Variants in SLC9A6 observed in about 807,000 individuals in gnomAD.
The protein encoded by SLC9A6 is solute carrier family 9 member A6.
A neutral mutation model predicts 45.3 loss-of-function variants in SLC9A6; 6 were observed. The ratio of observed to expected loss-of-function variants is 0.13; its 90% confidence interval spans 0.07 to 0.26. The LOEUF (loss-of-function observed/expected upper bound fraction) is 0.26. Among genes scored for constraint, SLC9A6 ranks in the 10% least tolerant of loss-of-function variants. The probability of loss-of-function intolerance (pLI) is 1.00; values close to 1 mark genes in which losing one functional copy is unlikely to be tolerated. For missense variants in SLC9A6, 278 were observed against 503.7 expected, an observed-to-expected ratio of 0.55 and a Z score of 4.29; for synonymous variants, 191 against 187.7, an observed-to-expected ratio of 1.02 and a Z score of -0.14.
chrX:135,988,504 T>TTCTTTCTTTCTCTCTCTTTCTTTCTCTC (rs1358127758), intron 2 of SLC9A6, among the ~76,000 whole-genome samples: 1 of 108,139 alleles, frequency 9.2e-6, no homozygotes, highest in Non-Finnish European at 1.9e-5. Context: ...TTTCTTTTCT[T>TTCTTTCTTTCTCTCTCTTTCTTTCTCTC]TCTTTCTTTC....
intron 1 of SLC9A6, among the ~76,000 whole-genome samples, chrX:135,976,832 C>A (rs1556613395): frequency 2.7e-5 from 3 of 111,737 alleles, no homozygotes. Flanking sequence ...GTTTTGTTTT[C>A]TCTATTGCCC....
intron 6 of SLC9A6, 128 bp downstream of exon 6, chrX:135,999,096 ATTGTGGAGG>A: frequency 4.0e-6 from 2 of 498,620 alleles, no homozygotes; most frequent in Admixed American, 3.0e-5. Context: ...ATACTTTCTA[ATTGTGGAGG>A]AAAAAACAAA....
chrX:136,029,865 A>G (rs782159318), intron 14 of SLC9A6: 211 of 378,618 alleles, frequency 5.6e-4, no homozygotes, highest in African/African-American at 5.2e-3. Context: ...ATATTCAGAG[A>G]AAAAAAATGC....
At chrX:136,043,377 C>T (rs1171302514) in intron 17 of SLC9A6, among the ~76,000 whole-genome samples, 2 of 112,027 alleles carry the variant, frequency 1.8e-5, no homozygotes, top group African/African-American at 3.2e-5. Context: ...TTTCAGTTCA[C>T]ACTTTTTTTG....
chrX:136,027,527 A>G (rs1033492411), intron 13 of SLC9A6, among the ~76,000 whole-genome samples: 3 of 112,095 alleles, frequency 2.7e-5, no homozygotes, highest in Non-Finnish European at 3.8e-5. Flanking sequence ...GGTTCTGCAC[A>G]CTTAACTGTC....
intron 13 of SLC9A6, among the ~76,000 whole-genome samples, chrX:136,027,446 C>T (rs2071248201): frequency 1.8e-5 from 2 of 111,637 alleles, no homozygotes; most frequent in Non-Finnish European, 3.8e-5. Flanking sequence ...AGGAAAAAAA[C>T]TCTCATGGCC....
At chrX:136,030,354 A>G (rs2071298701) in intron 15 of SLC9A6, 192 bp downstream of exon 15, 1 of 463,914 alleles carries the variant, frequency 2.2e-6, no homozygotes, top group East Asian at 3.8e-5. Flanking sequence ...ACAGTGCCAT[A>G]GTGTGTGGTT....
chrX:135,979,096 C>T (rs1272700994), intron 1 of SLC9A6, among the ~76,000 whole-genome samples: 5 of 111,317 alleles, frequency 4.5e-5, no homozygotes, highest in Non-Finnish European at 9.4e-5. Flanking sequence ...TCGGCTGCAG[C>T]ACCCAATTAA....
intron 12 of SLC9A6, among the ~76,000 whole-genome samples, chrX:136,024,032 A>C (rs144085373): frequency 9.0e-6 from 1 of 110,567 alleles, no homozygotes; most frequent in South Asian, 3.9e-4. Context: ...GATTACAGGC[A>C]TGCGCCATCA....
chrX:135,974,424 C>G (rs868986586), upstream of SLC9A6, among the ~76,000 whole-genome samples: 1 of 42,205 alleles, frequency 2.4e-5, no homozygotes, highest in Non-Finnish European at 4.0e-5. Flanking sequence ...GACCGAGGGG[C>G]GGGGAGGAGG....
chrX:136,010,219 G>A lies in SLC9A6; in HGVS notation c.744-223G>A, dbSNP rs782605923. The stretch of plus-strand genomic sequence containing the variant: ...ATTTTCATATAGAGGATTTTACAAT[G>A]TTCTACCCCCCCCCCGAAATTAACA... On this transcript the variant is annotated intron_variant, in intron 7 of 17. Transcript: ENST00000630721. 1.1e-5 allele frequency: 4 copies of A among 362,145 alleles called. No individual in the cohort carries two copies. In the South Asian group the frequency reaches 1.4e-4, roughly 13 times the overall value. The allele number at this position is 362,145 out of a possible 1,213,427, so 29.8% of individuals were successfully genotyped here. A position where few individuals can be genotyped will look rare whatever the true frequency, so the allele number is the denominator to read the frequency against.
In SLC9A6 at chrX:135,985,835, C is replaced by T; in HGVS notation, c.169+8C>T. Reference sequence around the variant, plus strand: ...GCCTGGCTATGATTTATGGCAAGTTCCTCAACCCTTGTCAGCCCCTTGGCG... The same window carrying T: ...GCCTGGCTATGATTTATGGCAAGTTTCTCAACCCTTGTCAGCCCCTTGGCG... On this transcript the variant is annotated splice_region_variant and intron_variant, in intron 2 of 17. Transcript: ENST00000630721. 8.3e-7 allele frequency: 1 copy of T among 1,210,614 alleles called. No individual in the cohort carries two copies. The highest frequency in any genetic ancestry group is 1.1e-6 in the Non-Finnish European group (1 of 895,356).
intron 12 of SLC9A6, among the ~76,000 whole-genome samples, chrX:136,023,163 G>GTATATATA (rs35106450): frequency 8.0e-5 from 2 of 25,014 alleles, no homozygotes; most frequent in Non-Finnish European, 1.3e-4. Flanking sequence ...AAAAGAAAAT[G>GTATATATA]TATATATATA....
In SLC9A6 at chrX:136,044,610, G is replaced by A. The variant is rs2071567568; in HGVS notation, c.1926G>A (p.Glu642=). Residue 642 remains glutamate, a synonymous_variant, in exon 18 of 18, where the codon GAG becomes GAA. Transcript: ENST00000630721. ...GNSSEDALDR[E]LAFGDHELVI... The stretch of plus-strand genomic sequence containing the variant: ...GTTCTGAAGATGCCTTGGATCGGGA[G>A]CTTGCATTTGGGGACCATGAACTGG... The A allele has an allele frequency of 8.3e-7, 1 of 1,209,145 alleles. No individual in the cohort carries two copies. Among genetic ancestry groups the A allele is most frequent in the African/African-American group, 1.8e-5 (1 of 56,978 alleles).
At chrX:136,011,865 C>T (rs1569524837) in intron 8 of SLC9A6, among the ~76,000 whole-genome samples, 1 of 110,706 alleles carries the variant, frequency 9.0e-6, no homozygotes, top group Non-Finnish European at 1.9e-5. Flanking sequence ...CCATGGCGGG[C>T]GGATCACAAG....
intron 2 of SLC9A6, among the ~76,000 whole-genome samples, chrX:135,990,787 T>TA (rs1296378240): frequency 2.7e-5 from 3 of 110,175 alleles, no homozygotes; most frequent in Admixed American, 1.9e-4. Flanking sequence ...AATAAATAAA[T>TA]AAATAAAATA....
At chrX:136,011,951 A>G (rs1007517659) in intron 8 of SLC9A6, among the ~76,000 whole-genome samples, 2 of 111,529 alleles carry the variant, frequency 1.8e-5, no homozygotes, top group South Asian at 3.8e-4. Flanking sequence ...TTAGCCGGGC[A>G]TGGTGGTGGG....
chrX:136,013,141 G>T lies in SLC9A6; in HGVS notation c.991+87G>T, dbSNP rs2070955272. Reference sequence around the variant, plus strand: ...TGCTCCAAGTGGATCAGCTCCGTTAGTATTTGAACATACTTATTGTGGTTG... The same window carrying T: ...TGCTCCAAGTGGATCAGCTCCGTTATTATTTGAACATACTTATTGTGGTTG... On this transcript the variant is annotated intron_variant, in intron 9 of 17. Transcript: ENST00000630721. 5.4e-6 allele frequency: 4 copies of T among 741,438 alleles called. No homozygotes were observed. The East Asian group carries it at 1.3e-4, about 24-fold the overall frequency. 61.1% of individuals were successfully genotyped at this position (741,438 alleles called of 1,213,427 possible).
At chrX:136,022,872 C>T (rs886595259) in intron 12 of SLC9A6, among the ~76,000 whole-genome samples, 175 bp downstream of exon 12, 1 of 109,617 alleles carries the variant, frequency 9.1e-6, no homozygotes. Context: ...TGCAGTGGCA[C>T]GATCTTGGCT....
Sources: allele counts gnomAD v4.1 joint callset (sites outside exome capture counted in the v4.1 genomes callset), GRCh38; gene constraint gnomAD v4.1.1; transcripts MANE v1.5; gene names NCBI Gene and HGNC (gene_info 2026-07-23, HGNC 2026-07-21).